The following MYRIP variants were observed in gnomAD, a reference collection of about 807,000 sequenced individuals.
MYRIP encodes rab effector MyRIP.
A neutral mutation model predicts 98.0 loss-of-function variants in MYRIP; 49 were observed. The ratio of observed to expected loss-of-function variants is 0.50; its 90% CI spans 0.40 to 0.63. The LOEUF (loss-of-function observed/expected upper bound fraction) is 0.63. Ranked by LOEUF, MYRIP falls within the 30% of genes least tolerant of loss-of-function variation. The pLI, the probability that MYRIP is intolerant of heterozygous loss-of-function variation, is 0.00. For synonymous variants in MYRIP, 404 were observed against 409.5 expected (o/e 0.99, Z 0.16); for missense variants, 1,004 against 1,058.2 (o/e 0.95, Z 0.71).
rs568692423 is a variant in MYRIP, at chr3:40,013,112, A to T, written c.111-30938A>T. ...TGCATTTCTATTTTTCAGCCTGTAC[A>T]GCTTCTCTCTGGTTACCCCATGTCC... is the stretch of plus-strand genomic sequence containing the variant. On this transcript the variant is annotated intron_variant, in intron 2 of 16. Transcript: ENST00000302541. Among the ~76,000 whole-genome samples the T allele has an allele frequency of 2.6e-5, 4 of 152,238 alleles. No homozygotes were observed. In the South Asian group the frequency reaches 8.3e-4, roughly 32 times the overall value.
chr3:39,852,788 C>T (rs1457954749), intron 1 of MYRIP, among the ~76,000 whole-genome samples: 1 of 149,610 alleles, frequency 6.7e-6, no homozygotes, highest in African/African-American at 2.5e-5. Flanking sequence ...CTGTTCTCCT[C>T]TTCTCCTCTT....
At chr3:39,886,989 C>G (rs1943323943) in intron 1 of MYRIP, among the ~76,000 whole-genome samples, 1 of 151,882 alleles carries the variant, frequency 6.6e-6, no homozygotes, top group East Asian at 1.9e-4. Context: ...AACAAACTGT[C>G]TCTCAGACCA....
At chr3:39,812,957 G>A (rs951463438) in intron 1 of MYRIP, among the ~76,000 whole-genome samples, 6 of 152,344 alleles carry the variant, frequency 3.9e-5, no homozygotes, top group Middle Eastern at 3.4e-3. Context: ...AGATGGCCGT[G>A]GGATGGGGGC....
intron 2 of MYRIP, among the ~76,000 whole-genome samples, chr3:39,962,344 G>A (rs1945343196): frequency 6.6e-6 from 1 of 152,002 alleles, no homozygotes; most frequent in Non-Finnish European, 1.5e-5. Context: ...ATTGTTTAAG[G>A]AACTGAGTGA....
intron 4 of MYRIP, among the ~76,000 whole-genome samples, chr3:40,154,996 T>G (rs1950194063): frequency 6.6e-6 from 1 of 152,112 alleles, no homozygotes; most frequent in African/African-American, 2.4e-5. Flanking sequence ...TATTATTTTT[T>G]TATTATTATT....
intron 3 of MYRIP, among the ~76,000 whole-genome samples, chr3:40,051,506 T>A (rs1186611425): frequency 1.3e-5 from 2 of 152,190 alleles, no homozygotes; most frequent in Admixed American, 6.6e-5. Flanking sequence ...ATAGTCTATC[T>A]AACTTTTATA....
chr3:40,192,836 G>A lies in MYRIP; in HGVS notation c.1665+2373G>A, dbSNP rs575147385. Among the ~76,000 whole-genome samples, 249 of 152,324 alleles carry A rather than the reference G, an allele frequency of 1.6e-3. 1 individual carries two copies. The highest frequency in any genetic ancestry group is 0.01 in the Middle Eastern group (3 of 294). Reference sequence around the variant, plus strand: ...GGCTTTTCTTGGGCTGGTTAGCTGAGTCATTGTATATAGAGGTGGAGACAA... The same window carrying A: ...GGCTTTTCTTGGGCTGGTTAGCTGAATCATTGTATATAGAGGTGGAGACAA... On this transcript the variant is annotated intron_variant, in intron 10 of 16. Coordinates refer to ENST00000302541, the MANE Select transcript of MYRIP (RefSeq NM_015460.4).
At chr3:40,233,329 C>A (rs529859296) in intron 11 of MYRIP, among the ~76,000 whole-genome samples, 3 of 152,272 alleles carry the variant, frequency 2.0e-5, no homozygotes, top group Admixed American at 2.0e-4. Flanking sequence ...CAAGAAACCA[C>A]AGAGAAATTC....
At chr3:40,063,870 T>C (rs963662617) in intron 3 of MYRIP, among the ~76,000 whole-genome samples, 1 of 152,014 alleles carries the variant, frequency 6.6e-6, no homozygotes, top group African/African-American at 2.4e-5. Flanking sequence ...GAGTAAAGAG[T>C]GCTCTGCCGG....
At chr3:39,864,549 A>C (rs1378592636) in intron 1 of MYRIP, among the ~76,000 whole-genome samples, 1 of 152,208 alleles carries the variant, frequency 6.6e-6, no homozygotes, top group Admixed American at 6.5e-5. Context: ...TTCCATTAAC[A>C]ATAGCCACAA....
chr3:40,183,205 C>T (rs563038131), intron 9 of MYRIP, among the ~76,000 whole-genome samples: 39 of 152,298 alleles, frequency 2.6e-4, no homozygotes, highest in African/African-American at 7.9e-4. Flanking sequence ...AATGCAGGCC[C>T]GGAGAAATGG....
At chr3:39,910,193 A>G (rs1477222665) in intron 2 of MYRIP, among the ~76,000 whole-genome samples, 1 of 152,118 alleles carries the variant, frequency 6.6e-6, no homozygotes, top group East Asian at 1.9e-4. Flanking sequence ...CCGGCCGCAT[A>G]TTCTTATCTA....
chr3:40,111,497 A>G (rs1431682004), intron 3 of MYRIP, among the ~76,000 whole-genome samples: 2 of 152,206 alleles, frequency 1.3e-5, no homozygotes, highest in East Asian at 3.9e-4. Context: ...TTGCTAGTGT[A>G]TTCACACAAA....
At chr3:39,935,612 C>G (rs1944638342) in intron 2 of MYRIP, among the ~76,000 whole-genome samples, 1 of 151,980 alleles carries the variant, frequency 6.6e-6, no homozygotes, top group African/African-American at 2.4e-5. Flanking sequence ...AATCCTAAAT[C>G]CCAAGAAAAA....
At chr3:40,189,472 A>G (rs1951137926) in intron 9 of MYRIP, among the ~76,000 whole-genome samples, 1 of 152,232 alleles carries the variant, frequency 6.6e-6, no homozygotes, top group Non-Finnish European at 1.5e-5. Flanking sequence ...AAGAGCCAGA[A>G]GCTGGTACTG....
intron 12 of MYRIP, 71 bp downstream of exon 12, chr3:40,234,124 A>C (rs1952750771): frequency 6.8e-7 from 1 of 1,477,352 alleles, no homozygotes; most frequent in Admixed American, 2.3e-5. Context: ...ATTGTAGCTT[A>C]TCGTGAAGAG....
Position 40,044,253 on chromosome 3 carries a change from G to A in MYRIP, c.314G>A (p.Cys105Tyr). 1 of 1,614,194 alleles carries A rather than the reference G, an allele frequency of 6.2e-7. No homozygotes were observed. The highest frequency in any genetic ancestry group is 1.1e-5 in the South Asian group (1 of 91,090). Residue 105 changes from cysteine (C) to tyrosine (Y), a missense_variant, in exon 3 of 17, where the codon TGC becomes TAC. By Grantham distance (194) the Cys-to-Tyr change is radical (BLOSUM62 -2). Transcript: ENST00000302541. ...YQKHEKAWVC[C>Y]VCQQARLLRA... ...AAGCACGAAAAGGCCTGGGTCTGCT[G>A]CGTCTGCCAGCAAGCGAGGTGAGTG...
intron 3 of MYRIP, 119 bp downstream of exon 3, chr3:40,044,390 A>T: frequency 2.1e-6 from 2 of 966,890 alleles, no homozygotes; most frequent in East Asian, 5.1e-5. Flanking sequence ...TATTGACCAA[A>T]GTAAATAGCT....
intron 2 of MYRIP, among the ~76,000 whole-genome samples, chr3:39,967,157 A>C (rs144013936): frequency 6.6e-6 from 1 of 152,128 alleles, no homozygotes; most frequent in African/African-American, 2.4e-5. Flanking sequence ...AAAGTTTGTC[A>C]TGGGAGTTTG....
Sources: allele counts gnomAD v4.1 joint callset (sites outside exome capture counted in the v4.1 genomes callset), GRCh38; gene constraint gnomAD v4.1.1; transcripts MANE v1.5; gene names NCBI Gene and HGNC (gene_info 2026-07-23, HGNC 2026-07-21).